HAUS2: variants seen among roughly 807,000 people sequenced by gnomAD.
HAUS2 encodes HAUS augmin-like complex subunit 2.
In HAUS2, 20 loss-of-function variants were observed where a neutral mutation model predicts 21.6. The observed-to-expected ratio is 0.93, with a 90% CI of 0.65 to 1.35. The LOEUF is 1.35. Among genes scored for constraint, HAUS2 ranks in the 40% most tolerant of loss-of-function variants. The probability of loss-of-function intolerance (pLI) is 0.00; values close to 1 mark genes in which losing one functional copy is unlikely to be tolerated. For synonymous variants in HAUS2, 113 were observed against 95.6 expected (o/e 1.18, Z -1.06); for missense variants, 297 against 280.7 (o/e 1.06, Z -0.42).
At chr15:42,552,180 G>A (rs910114187) in intron 1 of HAUS2, among the ~76,000 whole-genome samples, 1 of 151,786 alleles carries the variant, frequency 6.6e-6, no homozygotes, top group Non-Finnish European at 1.5e-5. Flanking sequence ...GCACCACCAC[G>A]CCCGGCTAAT....
intron 1 of HAUS2, among the ~76,000 whole-genome samples, chr15:42,556,725 C>G (rs1205637218): frequency 6.6e-6 from 1 of 151,860 alleles, no homozygotes; most frequent in Non-Finnish European, 1.5e-5. Flanking sequence ...GTTCTTTGGC[C>G]TGGACGCGGT....
chr15:42,563,410 C>CAAAA (rs745358598), intron 4 of HAUS2, among the ~76,000 whole-genome samples: 1 of 59,278 alleles, frequency 1.7e-5, no homozygotes, highest in Non-Finnish European at 3.5e-5. Context: ...GACTCCATCT[C>CAAAA]AAAAAAAAAA....
At chr15:42,559,859 A>T (rs2057830048) in intron 3 of HAUS2, among the ~76,000 whole-genome samples, 1 of 152,118 alleles carries the variant, frequency 6.6e-6, no homozygotes, top group Non-Finnish European at 1.5e-5. Context: ...TGAATATTTG[A>T]TGAGAAAATG....
intron 5 of HAUS2, among the ~76,000 whole-genome samples, chr15:42,565,158 A>G (rs1001569294): frequency 6.6e-6 from 1 of 152,184 alleles, no homozygotes; most frequent in Non-Finnish European, 1.5e-5. Flanking sequence ...ATCTTAAGGA[A>G]TAAGTGAAAT....
Position 42,566,990 on chromosome 15 carries a change from C to T in HAUS2, c.*174C>T. ...CCAAACTGACTTTTCCTTTGTTTTT[C>T]ATATATTTTTATTCTACCTTTCAGT... On this transcript the variant is annotated 3_prime_UTR_variant, in exon 6 of 6. Transcript: ENST00000260372. 1 of 451,530 alleles carries T rather than the reference C, an allele frequency of 2.2e-6. No homozygotes were observed. Among genetic ancestry groups the T allele is most frequent in the Non-Finnish European group, 3.9e-6 (1 of 255,324 alleles). 28.0% of individuals were successfully genotyped at this position (451,530 alleles called of 1,614,324 possible).
intron 1 of HAUS2, among the ~76,000 whole-genome samples, chr15:42,553,073 G>A (rs2057740999): frequency 6.8e-6 from 1 of 147,738 alleles, no homozygotes; most frequent in African/African-American, 2.5e-5. Context: ...CACAACCTCC[G>A]CCTCCCGGGT....
intron 1 of HAUS2, among the ~76,000 whole-genome samples, chr15:42,556,628 G>T (rs573952819): frequency 6.6e-6 from 1 of 152,150 alleles, no homozygotes; most frequent in African/African-American, 2.4e-5. Context: ...ACCATGCCTG[G>T]TTCACAGGCT....
chr15:42,559,228 T>C, intron 2 of HAUS2, 111 bp from the exon 3 acceptor site: 1 of 661,248 alleles, frequency 1.5e-6, no homozygotes, highest in South Asian at 1.7e-5. Flanking sequence ...TGACCTCTGG[T>C]GATCCACCTG....
Position 42,558,253 on chromosome 15 carries a change from T to C in HAUS2, c.149T>C (p.Leu50Pro). The change falls in exon 2 of 6, where the codon CTA (leucine) becomes CCA (proline). Residue 50 changes from leucine (L) to proline (P), a missense_variant. By Grantham distance (98) the Leu-to-Pro change is moderately conservative. Transcript: ENST00000260372. Reference protein sequence around the residue: ...TVSCFVNFTRLQQITNIQAEI... With the variant: ...TVSCFVNFTRPQQITNIQAEI... ...TCTTGTTTTGTGAACTTCACCAGAC[T>C]ACAGCAGATCACAAATATTCAAGCT... 3.4e-6 allele frequency: 5 copies of C among 1,487,954 alleles called. No homozygotes were observed. Among genetic ancestry groups the C allele is most frequent in the Non-Finnish European group, 4.7e-6 (5 of 1,070,764 alleles). 92.2% of individuals were successfully genotyped at this position (1,487,954 alleles called of 1,614,324 possible). A position where few individuals can be genotyped will look rare whatever the true frequency, so the allele number is the denominator to read the frequency against.
intron 5 of HAUS2, among the ~76,000 whole-genome samples, chr15:42,566,173 G>A (rs1963715999): frequency 6.6e-6 from 1 of 151,534 alleles, no homozygotes; most frequent in South Asian, 2.1e-4. Context: ...CTGCACTCCA[G>A]TCTGGCAACA....
chr15:42,564,741 G>T (rs571155706), intron 5 of HAUS2, among the ~76,000 whole-genome samples: 1 of 152,158 alleles, frequency 6.6e-6, no homozygotes, highest in South Asian at 2.1e-4. Context: ...CACCCGCCTC[G>T]GCCTCTTAAA....
intron 5 of HAUS2, among the ~76,000 whole-genome samples, chr15:42,566,380 C>T (rs1244307802): frequency 6.6e-6 from 1 of 152,016 alleles, no homozygotes; most frequent in Non-Finnish European, 1.5e-5. Flanking sequence ...TTAGGTTTAG[C>T]AATATAAATT....
At chr15:42,561,123 A>T in intron 3 of HAUS2, 147 bp from the exon 4 acceptor site, 1 of 574,698 alleles carries the variant, frequency 1.7e-6, no homozygotes, top group East Asian at 2.8e-5. Context: ...TGAAATTGGT[A>T]TTGGTATTAA....
At chr15:42,552,654 T>G (rs548404160) in intron 1 of HAUS2, among the ~76,000 whole-genome samples, 4 of 152,266 alleles carry the variant, frequency 2.6e-5, no homozygotes, top group East Asian at 3.9e-4. Context: ...TGGCCTTACA[T>G]TCTAGATATT....
chr15:42,555,238 G>T (rs912122557), intron 1 of HAUS2, among the ~76,000 whole-genome samples: 1 of 151,780 alleles, frequency 6.6e-6, no homozygotes, highest in Non-Finnish European at 1.5e-5. Context: ...TGCCCACCTC[G>T]GCCTCCCAAA....
intron 1 of HAUS2, among the ~76,000 whole-genome samples, chr15:42,552,746 G>A (rs1440852746): frequency 1.3e-5 from 2 of 152,060 alleles, no homozygotes; most frequent in Non-Finnish European, 2.9e-5. Flanking sequence ...ATCAGGGTCT[G>A]GATCTACCAA....
chr15:42,551,346 A>G (rs1044975712), intron 1 of HAUS2, among the ~76,000 whole-genome samples: 3 of 152,022 alleles, frequency 2.0e-5, no homozygotes, highest in Non-Finnish European at 2.9e-5. Flanking sequence ...TAGTTTGGCA[A>G]ACTCATAATA....
At position 42,566,767 on chromosome 15, in the gene HAUS2, C is replaced by T; in HGVS notation, c.659C>T (p.Pro220Leu). The T allele has an allele frequency of 6.4e-7, 1 of 1,561,796 alleles. No individual in the cohort carries two copies. The highest frequency in any genetic ancestry group is 8.8e-7 in the Non-Finnish European group (1 of 1,132,642). Residue 220 changes from proline to leucine, a missense_variant, in exon 6 of 6, where the codon CCT (proline) becomes CTT (leucine). Pro to Leu is a moderately conservative substitution (Grantham distance 98). Transcript: ENST00000260372. ...TATAAACATGATATTATAATGCCTC[C>T]TTTACCTTTTACTTCTAAAGTTCAT... Reference protein sequence around the residue: ...YLYKHDIIMPPLPFTSKVHVQ... With the variant: ...YLYKHDIIMPLLPFTSKVHVQ...
At chr15:42,558,098 CATA>C in intron 1 of HAUS2, 97 bp from the exon 2 acceptor site, 1 of 633,418 alleles carries the variant, frequency 1.6e-6, no homozygotes, top group Non-Finnish European at 2.8e-6. Context: ...CAGTGTTGAA[CATA>C]ATATTTTCTC....
Sources: gnomAD v4.1 joint callset for allele counts (sites outside exome capture counted in the v4.1 genomes callset) on GRCh38, gnomAD v4.1.1 for gene constraint, MANE v1.5 for transcripts, NCBI Gene and HGNC (gene_info 2026-07-23, HGNC 2026-07-21) for gene names.